Variants in DIAPH3 observed in about 807,000 individuals in gnomAD.
DIAPH3 encodes the protein protein diaphanous homolog 3.
In DIAPH3, 117 loss-of-function variants were observed where a neutral mutation model predicts 144.3. That is an observed-to-expected ratio of 0.81 (90% CI 0.70 to 0.95). The LOEUF (loss-of-function observed/expected upper bound fraction) is 0.95. Among genes scored for constraint, DIAPH3 ranks in the 40% least tolerant of loss-of-function variants. DIAPH3 has a pLI of 0.00. For missense variants in DIAPH3, 1,421 were observed against 1,412.7 expected (o/e 1.01, Z -0.09); for synonymous variants, 519 against 488.9 (o/e 1.06, Z -0.81).
At chr13:59,970,595 C>T (rs2140568952) in intron 16 of DIAPH3, among the ~76,000 whole-genome samples, 1 of 152,022 alleles carries the variant, frequency 6.6e-6, no homozygotes, top group South Asian at 2.1e-4. Flanking sequence ...AATTACAAAT[C>T]GGATTCCACT....
chr13:60,088,639 G>T (rs1226173921), intron 4 of DIAPH3, among the ~76,000 whole-genome samples: 1 of 152,058 alleles, frequency 6.6e-6, no homozygotes, highest in African/African-American at 2.4e-5. Flanking sequence ...GGGCGGGGAG[G>T]GGGACAGGGT....
chr13:59,793,442 A>G (rs559290406), intron 25 of DIAPH3, among the ~76,000 whole-genome samples: 1 of 151,994 alleles, frequency 6.6e-6, no homozygotes, highest in African/African-American at 2.4e-5. Flanking sequence ...TCATTCATTA[A>G]CTCTTTACGC....
chr13:60,149,979 C>T (rs184991679), intron 1 of DIAPH3, among the ~76,000 whole-genome samples: 1 of 151,968 alleles, frequency 6.6e-6, no homozygotes, highest in Admixed American at 6.6e-5. Context: ...CCCCTTTGTA[C>T]TCCTACATTG....
chr13:60,016,618 T>A (rs1340888767), intron 5 of DIAPH3, among the ~76,000 whole-genome samples: 3 of 152,012 alleles, frequency 2.0e-5, no homozygotes, highest in Admixed American at 2.0e-4. Context: ...TAGATCAACA[T>A]AAAGAAAAAG....
chr13:60,031,202 G>A lies in DIAPH3; in HGVS notation c.626+11488C>T, dbSNP rs142997272. Reference sequence around the variant, plus strand: ...GGGTAGCAGGCATGTCACATGGCCAGAGCCAGAGTGTGTGTGTTGGCTGGA... The same window carrying A: ...GGGTAGCAGGCATGTCACATGGCCAAAGCCAGAGTGTGTGTGTTGGCTGGA... On this transcript the variant is annotated intron_variant, in intron 5 of 27. Transcript: ENST00000400324. Among the ~76,000 whole-genome samples the A allele has an allele frequency of 5.9e-5, 9 of 152,230 alleles. No individual in the cohort carries two copies. In the East Asian group the frequency reaches 1.7e-3, roughly 29 times the overall value.
intron 1 of DIAPH3, among the ~76,000 whole-genome samples, chr13:60,144,338 T>C (rs1254680007): frequency 6.6e-6 from 1 of 152,158 alleles, no homozygotes; most frequent in Non-Finnish European, 1.5e-5. Flanking sequence ...CTACTAAAAC[T>C]AGGCAAACTA....
intron 4 of DIAPH3, among the ~76,000 whole-genome samples, chr13:60,092,366 A>G (rs867179968): frequency 1.6e-4 from 25 of 152,164 alleles, no homozygotes; most frequent in African/African-American, 6.0e-4. Flanking sequence ...AGAGAGCTAA[A>G]AAAAGGCCGG....
intron 20 of DIAPH3, among the ~76,000 whole-genome samples, chr13:59,881,209 C>T (rs544553428): frequency 2.6e-5 from 4 of 151,674 alleles, no homozygotes; most frequent in Non-Finnish European, 5.9e-5. Context: ...TATCCTTAAC[C>T]ATTGCAAAAG....
At chr13:59,683,301 T>C (rs745605917) in intron 27 of DIAPH3, among the ~76,000 whole-genome samples, 5 of 152,160 alleles carry the variant, frequency 3.3e-5, no homozygotes, top group Non-Finnish European at 5.9e-5. Context: ...GTATTGAATC[T>C]GGAATCTTTT....
At chr13:60,134,503 A>C (rs554413601) in intron 1 of DIAPH3, among the ~76,000 whole-genome samples, 3 of 152,302 alleles carry the variant, frequency 2.0e-5, no homozygotes, top group Non-Finnish European at 4.4e-5. Flanking sequence ...TTGAGTTTGC[A>C]GAGAAAGGAG....
At chr13:59,671,276 G>A (rs2032359808) in intron 27 of DIAPH3, among the ~76,000 whole-genome samples, 1 of 152,166 alleles carries the variant, frequency 6.6e-6, no homozygotes. Flanking sequence ...CTTTTCATAT[G>A]AAGTTAGACA....
At chr13:60,062,218 A>T (rs2056801875) in intron 4 of DIAPH3, among the ~76,000 whole-genome samples, 2 of 152,172 alleles carry the variant, frequency 1.3e-5, no homozygotes, top group South Asian at 4.1e-4. Context: ...ATTTTAAAAA[A>T]TTTTTGTAAT....
At chr13:59,984,032 G>A in intron 12 of DIAPH3, 145 bp from the exon 13 acceptor site, 2 of 626,822 alleles carry the variant, frequency 3.2e-6, no homozygotes, top group East Asian at 2.7e-5. Flanking sequence ...ATTTTACCTG[G>A]GAGTGAGAGT....
chr13:59,838,356 A>C (rs990616844), intron 23 of DIAPH3: 13 of 152,064 alleles, frequency 8.5e-5, no homozygotes, highest in Non-Finnish European at 2.9e-5. Context: ...ATACAAAAGA[A>C]ACCTTAAACA....
At chr13:60,041,689 G>A (rs1454922443) in intron 5 of DIAPH3, among the ~76,000 whole-genome samples, 1 of 151,976 alleles carries the variant, frequency 6.6e-6, no homozygotes, top group Non-Finnish European at 1.5e-5. Context: ...ACACACACAC[G>A]TATAGATACA....
At chr13:59,869,732 A>G (rs1293658329) in intron 21 of DIAPH3, among the ~76,000 whole-genome samples, 3 of 152,214 alleles carry the variant, frequency 2.0e-5, no homozygotes. Flanking sequence ...TCAATATACC[A>G]GAATAGCATA....
chr13:59,911,995 A>G (rs2047017217), intron 19 of DIAPH3, among the ~76,000 whole-genome samples, 159 bp from the exon 20 acceptor site: 1 of 152,178 alleles, frequency 6.6e-6, no homozygotes, highest in Non-Finnish European at 1.5e-5. Flanking sequence ...AATTCCCTGC[A>G]TCTTGAAAAC....
chr13:60,022,621 T>A (rs775450487), intron 5 of DIAPH3, among the ~76,000 whole-genome samples: 3 of 152,188 alleles, frequency 2.0e-5, no homozygotes, highest in African/African-American at 4.8e-5. Flanking sequence ...CAGATGGGAC[T>A]CTTCCTGTAT....
intron 27 of DIAPH3, among the ~76,000 whole-genome samples, chr13:59,758,556 G>C (rs1262120974): frequency 6.6e-6 from 1 of 152,140 alleles, no homozygotes; most frequent in African/African-American, 2.4e-5. Flanking sequence ...ATACAGGCAA[G>C]CTCATTTAAT....
Sources: gnomAD v4.1 joint callset for allele counts (sites outside exome capture counted in the v4.1 genomes callset) on GRCh38, gnomAD v4.1.1 for gene constraint, MANE v1.5 for transcripts, NCBI Gene and HGNC (gene_info 2026-07-23, HGNC 2026-07-21) for gene names.